The following TTC28 variants were observed in gnomAD, a reference collection of about 807,000 sequenced individuals.
TTC28 encodes the protein tetratricopeptide repeat protein 28.
A neutral mutation model predicts 198.0 loss-of-function variants in TTC28; 61 were observed. The observed-to-expected ratio is 0.31, with a 90% CI of 0.25 to 0.38. The LOEUF (loss-of-function observed/expected upper bound fraction) is 0.38, where lower values mean the gene tolerates loss of function less well. TTC28 is among the 10% of genes least tolerant of loss of function. The probability of loss-of-function intolerance (pLI) is 1.00; values close to 1 mark genes in which losing one functional copy is unlikely to be tolerated. For synonymous variants in TTC28, 1,171 were observed against 1,297.8 expected, an observed-to-expected ratio of 0.90 and a Z score of 2.10; for missense variants, 2,678 against 3,164.0, an observed-to-expected ratio of 0.85 and a Z score of 3.69.
At chr22:28,356,946 G>A (rs200686796) in intron 2 of TTC28, among the ~76,000 whole-genome samples, 1 of 152,230 alleles carries the variant, frequency 6.6e-6, no homozygotes, top group Non-Finnish European at 1.5e-5. Flanking sequence ...TGCAACTACA[G>A]TGGTGGCATG....
rs1184292280 is a variant in TTC28, at chr22:28,448,550, G to A, written c.382-141907C>T. ...TAATTTTCCTACAGACCTCTAAATTGTGTTCAAGTATCTAAGGAGGTGTTA... is the reference window on the plus strand; with the variant it reads ...TAATTTTCCTACAGACCTCTAAATTATGTTCAAGTATCTAAGGAGGTGTTA... On this transcript the variant is annotated intron_variant, in intron 2 of 22. Coordinates refer to ENST00000397906, the MANE Select transcript of TTC28 (RefSeq NM_001145418.2). Among the ~76,000 whole-genome samples the A allele has an allele frequency of 5.3e-5, 8 of 152,100 alleles. No individual in the cohort carries two copies. The South Asian group carries it at 1.4e-3, about 28-fold the overall frequency.
At chr22:28,441,642 A>G (rs2047623578) in intron 2 of TTC28, among the ~76,000 whole-genome samples, 2 of 152,220 alleles carry the variant, frequency 1.3e-5, no homozygotes, top group Admixed American at 1.3e-4. Context: ...CTCTAGCAAT[A>G]AAACAAATGC....
chr22:28,624,753 C>T (rs1386102388), intron 2 of TTC28, among the ~76,000 whole-genome samples: 1 of 151,992 alleles, frequency 6.6e-6, no homozygotes, highest in African/African-American at 2.4e-5. Context: ...GACAGAATCA[C>T]TTCGATACCA....
intron 2 of TTC28, among the ~76,000 whole-genome samples, chr22:28,455,130 C>T (rs1370731190): frequency 6.6e-6 from 1 of 152,162 alleles, no homozygotes; most frequent in Non-Finnish European, 1.5e-5. Context: ...CCAACCCCCA[C>T]AACAATATTC....
At chr22:28,064,234 T>C (rs976943746) in intron 12 of TTC28, among the ~76,000 whole-genome samples, 1 of 152,110 alleles carries the variant, frequency 6.6e-6, no homozygotes, top group African/African-American at 2.4e-5. Context: ...GATGAAGGAA[T>C]AGAAAGAATG....
At chr22:28,620,644 T>A (rs942067828) in intron 2 of TTC28, among the ~76,000 whole-genome samples, 1 of 152,148 alleles carries the variant, frequency 6.6e-6, no homozygotes, top group African/African-American at 2.4e-5. Context: ...TACCAAAATG[T>A]AGAAGTGGTC....
At chr22:28,092,066 C>T (rs928047239) in intron 12 of TTC28, among the ~76,000 whole-genome samples, 6 of 152,190 alleles carry the variant, frequency 3.9e-5, no homozygotes, top group Non-Finnish European at 7.3e-5. Flanking sequence ...TCCTGCCTTC[C>T]CTTGTTCAGG....
chr22:28,414,426 T>C (rs2047136955), intron 2 of TTC28, among the ~76,000 whole-genome samples: 1 of 152,194 alleles, frequency 6.6e-6, no homozygotes, highest in Non-Finnish European at 1.5e-5. Context: ...ACAGTTCTTG[T>C]CAGACCGAGA....
Position 27,982,219 on chromosome 22 carries a change from C to G in TTC28, c.*2G>C, listed in dbSNP as rs192450363. 13 of 1,464,674 alleles carry G rather than the reference C, an allele frequency of 8.9e-6. No homozygotes were observed. The East Asian group carries it at 3.2e-4, about 36-fold the overall frequency. 90.7% of individuals were successfully genotyped at this position (1,464,674 alleles called of 1,614,324 possible). ...TCAGAGTCAGTGGGTATAAAAGATGCTTTAGCATTTGGAAGAAGGGAAAAA... is the reference window on the plus strand; with the variant it reads ...TCAGAGTCAGTGGGTATAAAAGATGGTTTAGCATTTGGAAGAAGGGAAAAA... On this transcript the variant is annotated 3_prime_UTR_variant, in exon 23 of 23. Transcript: ENST00000397906. The surrounding 1 kb of genome is among the most constrained non-coding windows in gnomAD (Gnocchi z 5.2).
intron 2 of TTC28, among the ~76,000 whole-genome samples, chr22:28,589,891 AACTGGGCATGGT>A (rs929722270): frequency 2.0e-5 from 3 of 151,536 alleles, no homozygotes; most frequent in African/African-American, 7.3e-5. Context: ...TACAAAAATT[AACTGGGCATGGT>A]GGTGGGTGCC....
intron 1 of TTC28, among the ~76,000 whole-genome samples, chr22:28,671,625 A>G (rs1000998841): frequency 1.6e-5 from 2 of 125,236 alleles, no homozygotes; most frequent in African/African-American, 6.3e-5. Context: ...ACAGAACAAG[A>G]CTCCATCTCA....
intron 12 of TTC28, among the ~76,000 whole-genome samples, chr22:28,056,859 T>G (rs946448582): frequency 6.6e-6 from 1 of 152,214 alleles, no homozygotes; most frequent in Non-Finnish European, 1.5e-5. Context: ...TAATTAGGCT[T>G]GTTCTAGAAC....
intron 12 of TTC28, among the ~76,000 whole-genome samples, chr22:28,089,872 C>A (rs951252689): frequency 6.6e-6 from 1 of 151,196 alleles, no homozygotes; most frequent in African/African-American, 2.4e-5. Context: ...GGACAAAAAA[C>A]CACATACCGC....
intron 2 of TTC28, among the ~76,000 whole-genome samples, chr22:28,333,349 TA>T (rs1190219513): frequency 1.3e-5 from 2 of 152,072 alleles, no homozygotes; most frequent in Non-Finnish European, 2.9e-5. Context: ...AATTTCAACA[TA>T]AATAGATATA....
In TTC28 at chr22:27,979,235, T is replaced by A. The variant is rs940964788; in HGVS notation, c.*2986A>T. 3 of 151,598 alleles carry A rather than the reference T, an allele frequency of 2.0e-5. No individual in the cohort carries two copies. Among genetic ancestry groups the A allele is most frequent in the Admixed American group, 2.0e-4 (3 of 15,232 alleles). 9.4% of individuals were successfully genotyped at this position (151,598 alleles called of 1,614,324 possible). ...AGTGGCTCACCTGTAATCCCAGCAG[T>A]TTGGGAGGCCAAGGCGGGCGGATCC... On this transcript the variant is annotated 3_prime_UTR_variant, in exon 23 of 23. Coordinates refer to ENST00000397906, the MANE Select transcript of TTC28 (RefSeq NM_001145418.2).
intron 2 of TTC28, among the ~76,000 whole-genome samples, chr22:28,426,167 G>C (rs117139806): frequency 6.9e-6 from 1 of 145,412 alleles, no homozygotes; most frequent in African/African-American, 2.6e-5. Context: ...AGCTGAGATC[G>C]CAACACTGCA....
intron 8 of TTC28, among the ~76,000 whole-genome samples, chr22:28,103,398 G>T (rs1942211666): frequency 6.6e-6 from 1 of 152,198 alleles, no homozygotes; most frequent in Non-Finnish European, 1.5e-5. Context: ...CCCCACCTGT[G>T]AGAGTCTATT....
chr22:27,983,908 T>C, intron 22 of TTC28, 57 bp from the exon 23 acceptor site: 4 of 1,486,324 alleles, frequency 2.7e-6, no homozygotes, highest in Non-Finnish European at 3.6e-6. Context: ...GGTTTTGATT[T>C]TTCTTTCAAA....
chr22:28,346,714 C>T (rs1389930815), intron 2 of TTC28, among the ~76,000 whole-genome samples: 1 of 152,244 alleles, frequency 6.6e-6, no homozygotes, highest in Admixed American at 6.5e-5. Flanking sequence ...AGACTCTTTA[C>T]ATTCAGACAA....
Sources: gnomAD v4.1 joint callset for allele counts (sites outside exome capture counted in the v4.1 genomes callset) on GRCh38, gnomAD v4.1.1 for gene constraint, Gnocchi (gnomAD v3.1) non-coding constraint, MANE v1.5 for transcripts, NCBI Gene and HGNC (gene_info 2026-07-23, HGNC 2026-07-21) for gene names.